Variants in NTM observed in about 807,000 individuals in gnomAD.
NTM encodes the protein neurotrimin, also known as IgLON family member 2.
Under a neutral mutation model 42.1 loss-of-function variants are expected in NTM, and 13 were observed. The observed-to-expected ratio is 0.31, with a 90% confidence interval of 0.20 to 0.49. The LOEUF (loss-of-function observed/expected upper bound fraction) is 0.49. Among genes scored for constraint, NTM ranks in the 20% least tolerant of loss-of-function variants. The probability of loss-of-function intolerance (pLI) is 0.99; values close to 1 mark genes in which losing one functional copy is unlikely to be tolerated. For synonymous variants in NTM, 187 were observed against 179.2 expected, an observed-to-expected ratio of 1.04 and a Z score of -0.35; for missense variants, 373 against 452.8, an observed-to-expected ratio of 0.82 and a Z score of 1.60.
chr11:131,586,985 T>A (rs570299371), intron 1 of NTM, among the ~76,000 whole-genome samples: 1 of 152,196 alleles, frequency 6.6e-6, no homozygotes, highest in African/African-American at 2.4e-5. Flanking sequence ...TAAGTGATGC[T>A]CAATTGGGAG....
At chr11:131,878,640 T>A (rs189926780) in intron 1 of NTM, among the ~76,000 whole-genome samples, 1,381 of 121,306 alleles carry the variant, frequency 0.011, 100 homozygotes, top group African/African-American at 0.043. Flanking sequence ...TATATATATA[T>A]AATGTCTTAT....
rs2080677374 is a variant in NTM, at chr11:131,737,846, C to A, written c.83-173718C>A. Among the ~76,000 whole-genome samples the A allele has an allele frequency of 2.0e-5, 3 of 152,126 alleles. No individual in the cohort carries two copies. In the South Asian group the frequency reaches 6.2e-4, roughly 32 times the overall value. The stretch of plus-strand genomic sequence containing the variant: ...ATAAATGCCCAGTACAAGGTTGACA[C>A]CGCGGGCCCCAGGTTGCCATTCTCT... On this transcript the variant is annotated intron_variant, in intron 1 of 8. Coordinates refer to ENST00000683400, the MANE Select transcript of NTM (RefSeq NM_001352005.2).
intron 1 of NTM, among the ~76,000 whole-genome samples, chr11:131,895,205 T>C (rs977089902): frequency 5.3e-5 from 8 of 152,198 alleles, no homozygotes; most frequent in Admixed American, 1.3e-4. Context: ...AAAGCTGATC[T>C]GGAAATGAAG....
intron 1 of NTM, among the ~76,000 whole-genome samples, chr11:131,908,437 G>A (rs1263123332): frequency 2.0e-5 from 3 of 152,164 alleles, no homozygotes; most frequent in Non-Finnish European, 4.4e-5. Context: ...GTACCTACCT[G>A]AAAATTAGAT....
At chr11:131,618,042 G>A (rs1416241331) in intron 1 of NTM, among the ~76,000 whole-genome samples, 1 of 152,192 alleles carries the variant, frequency 6.6e-6, no homozygotes, top group Admixed American at 6.5e-5. Flanking sequence ...AAATAGGTAG[G>A]GAGTTGGTGT....
At chr11:131,649,108 A>G (rs1025570313) in intron 1 of NTM, among the ~76,000 whole-genome samples, 2 of 152,178 alleles carry the variant, frequency 1.3e-5, no homozygotes, top group Non-Finnish European at 2.9e-5. Context: ...ACGTTTGTTC[A>G]GATAATCACT....
chr11:132,257,492 G>A (rs1216204804), intron 4 of NTM, among the ~76,000 whole-genome samples: 1 of 152,200 alleles, frequency 6.6e-6, no homozygotes, highest in African/African-American at 2.4e-5. Flanking sequence ...CGGGAAGCTG[G>A]AGCGGGGAGG....
chr11:131,487,286 C>A (rs1202952464), intron 1 of NTM, among the ~76,000 whole-genome samples: 1 of 152,202 alleles, frequency 6.6e-6, no homozygotes, highest in Non-Finnish European at 1.5e-5. Context: ...CTAACTCAGC[C>A]CCCTGATGTA....
chr11:132,076,702 C>T (rs887768894), intron 2 of NTM, among the ~76,000 whole-genome samples: 3 of 152,150 alleles, frequency 2.0e-5, no homozygotes, highest in African/African-American at 7.2e-5. Flanking sequence ...CCCACACCAA[C>T]ATTTTTCTAA....
chr11:131,984,487 T>G (rs2065761775), intron 2 of NTM: 1 of 152,244 alleles, frequency 6.6e-6, no homozygotes. Flanking sequence ...TCTTACCTAT[T>G]GTTAGTGGTG....
chr11:131,653,050 G>T (rs1274846764), intron 1 of NTM, among the ~76,000 whole-genome samples: 1 of 152,104 alleles, frequency 6.6e-6, no homozygotes, highest in African/African-American at 2.4e-5. Context: ...GCTATTTGAC[G>T]AGCTGCTGCA....
At chr11:131,413,902 C>A (rs1946684999) in intron 1 of NTM, among the ~76,000 whole-genome samples, 1 of 152,036 alleles carries the variant, frequency 6.6e-6, no homozygotes, top group African/African-American at 2.4e-5. Flanking sequence ...CAGGGGAGAC[C>A]ATGAGGACAA....
chr11:131,562,055 T>A (rs958213512), intron 1 of NTM, among the ~76,000 whole-genome samples: 1 of 152,216 alleles, frequency 6.6e-6, no homozygotes, highest in African/African-American at 2.4e-5. Context: ...ATTTTTTTGG[T>A]CTGGTTCTAC....
At chr11:131,506,042 T>G (rs1410897877) in intron 1 of NTM, among the ~76,000 whole-genome samples, 2 of 152,044 alleles carry the variant, frequency 1.3e-5, no homozygotes, top group African/African-American at 4.8e-5. Context: ...CAGTTATCAC[T>G]CCGGGAATGG....
At chr11:131,684,325 T>C (rs962921651) in intron 1 of NTM, among the ~76,000 whole-genome samples, 10 of 152,256 alleles carry the variant, frequency 6.6e-5, no homozygotes, top group African/African-American at 2.2e-4. Flanking sequence ...GTGACGTCTC[T>C]GAGATTATAA....
chr11:131,432,839 C>CTTTTTTTTTTTTTTTT lies in NTM; in HGVS notation c.82+61968_82+61983dup, dbSNP rs377739708. On this transcript the variant is annotated intron_variant, in intron 1 of 8. Coordinates refer to ENST00000683400, the MANE Select transcript of NTM (RefSeq NM_001352005.2). ...CTACAAAAGATGAAGATTTAGCATT[C>CTTTTTTTTTTTTTTTT]TTTTTTTTTTTTTTTTTTTTTTTTT... Among the ~76,000 whole-genome samples, 73 of 68,702 alleles carry CTTTTTTTTTTTTTTTT rather than the reference C, an allele frequency of 1.1e-3. 5 individuals carry two copies. The highest frequency in any genetic ancestry group is 1.3e-3 in the African/African-American group (21 of 16,094). 45.1% of individuals were successfully genotyped at this position (68,702 alleles called of 152,430 possible). A position where few individuals can be genotyped will look rare whatever the true frequency, so the allele number is the denominator to read the frequency against.
At position 132,321,274 on chromosome 11, in the gene NTM, T is replaced by A. The variant is rs2095562551; in HGVS notation, c.934+6571T>A. 4.6e-5 allele frequency among the ~76,000 whole-genome samples: 7 copies of A among 152,104 alleles called. No homozygotes were observed. The South Asian group carries it at 1.5e-3, about 32-fold the overall frequency. On this transcript the variant is annotated intron_variant, in intron 7 of 8. Transcript: ENST00000683400. ...AACCAAAGGCAAAGAAGTTGAAAAC[T>A]TTGAAAAAAATTTAGAAGCATGTAT...
At chr11:131,511,139 G>A (rs1366921168) in intron 1 of NTM, among the ~76,000 whole-genome samples, 1 of 152,198 alleles carries the variant, frequency 6.6e-6, no homozygotes, top group African/African-American at 2.4e-5. Context: ...CACGTGATGA[G>A]TGGTGCTTCT....
chr11:132,165,357 T>TG (rs2075106113), intron 3 of NTM, among the ~76,000 whole-genome samples: 1 of 152,178 alleles, frequency 6.6e-6, no homozygotes, highest in African/African-American at 2.4e-5. Flanking sequence ...CATCTGTTCC[T>TG]ATAGATGCCC....
Sources: gnomAD v4.1 joint callset for allele counts (sites outside exome capture counted in the v4.1 genomes callset) on GRCh38, gnomAD v4.1.1 for gene constraint, MANE v1.5 for transcripts, NCBI Gene and HGNC (gene_info 2026-07-23, HGNC 2026-07-21) for gene names.